HRK: variants seen among roughly 807,000 people sequenced by gnomAD.
HRK encodes the protein harakiri, BCL2 interacting protein.
In HRK, 6 loss-of-function variants were observed where a neutral mutation model predicts 5.9. That is an observed-to-expected ratio of 1.02 (90% CI 0.56 to 2.01). The LOEUF (loss-of-function observed/expected upper bound fraction) is 2.01, where lower values mean the gene tolerates loss of function less well. Among genes scored for constraint, HRK ranks in the 30% most tolerant of loss-of-function variants. HRK has a pLI of 0.00. For missense variants in HRK, 133 were observed against 128.3 expected (o/e 1.04, Z -0.18); for synonymous variants, 85 against 65.1 (o/e 1.31, Z -1.47).
rs998857118 is a variant in HRK, at chr12:116,857,498, T to A, written c.*4025A>T. On this transcript the variant is annotated 3_prime_UTR_variant, in exon 2 of 2. Transcript: ENST00000257572. ...AATCTGTGTTCTGGTCAATGCAACT[T>A]GTAATATCAGGTGGACACTCAAAAA... 3.9e-5 allele frequency: 6 copies of A among 152,102 alleles called. No individual in the cohort carries two copies. Among genetic ancestry groups the A allele is most frequent in the African/African-American group, 1.4e-4 (6 of 41,406 alleles). 9.4% of individuals were successfully genotyped at this position (152,102 alleles called of 1,614,324 possible).
intron 1 of HRK, among the ~76,000 whole-genome samples, chr12:116,868,330 T>C (rs1878622268): frequency 6.6e-6 from 1 of 152,116 alleles, no homozygotes; most frequent in African/African-American, 2.4e-5. Context: ...CAAATTCAGC[T>C]AGAAGACCAC....
chr12:116,878,771 A>T lies in HRK; in HGVS notation c.*56+2205T>A, dbSNP rs946846392. ...GACGCCCGGGCGGGACAAGGCAGGT[A>T]GGAGAAGAACCCAGAGGTGTGGGAA... On this transcript the variant is annotated intron_variant, in intron 1 of 1. Coordinates refer to ENST00000257572, the MANE Select transcript of HRK (RefSeq NM_003806.4). This position sits in a 1 kb window ranked among gnomAD's most constrained non-coding sequence, Gnocchi z 4.4. Among the ~76,000 whole-genome samples the T allele has an allele frequency of 6.6e-6, 1 of 152,170 alleles. No homozygotes were observed. Among genetic ancestry groups the T allele is most frequent in the African/African-American group, 2.4e-5 (1 of 41,456 alleles).
Position 116,858,198 on chromosome 12 carries a change from A to T in HRK, c.*3325T>A, listed in dbSNP as rs1459074241. 1 of 151,824 alleles carries T rather than the reference A, an allele frequency of 6.6e-6. No individual in the cohort carries two copies. The highest frequency in any genetic ancestry group is 2.4e-5 in the African/African-American group (1 of 41,326). The allele number at this position is 151,824 out of a possible 1,614,324, so 9.4% of individuals were successfully genotyped here. A position where few individuals can be genotyped will look rare whatever the true frequency, so the allele number is the denominator to read the frequency against. ...CAGGGCCAAAAAAAACCCAAAAAAA[A>T]ACAAAACAGGAACTGGGGTCTAGGA... On this transcript the variant is annotated 3_prime_UTR_variant, in exon 2 of 2. Transcript: ENST00000257572.
Position 116,871,620 on chromosome 12 carries a change from G to T in HRK, c.*56+9356C>A, listed in dbSNP as rs1430901510. Among the ~76,000 whole-genome samples the T allele has an allele frequency of 5.4e-5, 7 of 130,462 alleles. No homozygotes were observed. The East Asian group carries it at 1.6e-3, about 30-fold the overall frequency. The allele number at this position is 130,462 out of a possible 152,430, so 85.6% of individuals were successfully genotyped here. A position where few individuals can be genotyped will look rare whatever the true frequency, so the allele number is the denominator to read the frequency against. ...TGCCCAGCCAAAAAAAAAAAAAAAA[G>T]TATTATTATTATTTTTTTTTTTTTG... On this transcript the variant is annotated intron_variant, in intron 1 of 1. Coordinates refer to ENST00000257572, the MANE Select transcript of HRK (RefSeq NM_003806.4).
At chr12:116,872,977 CA>C (rs1166859769) in intron 1 of HRK, among the ~76,000 whole-genome samples, 1 of 151,906 alleles carries the variant, frequency 6.6e-6, no homozygotes, top group Non-Finnish European at 1.5e-5. Context: ...ACTAAAGGGT[CA>C]AATCTAATGC....
intron 1 of HRK, among the ~76,000 whole-genome samples, chr12:116,870,614 ACCAGACTGGGCAACATAGCGAGACC>A (rs1295941374): frequency 6.6e-6 from 1 of 152,140 alleles, no homozygotes; most frequent in Non-Finnish European, 1.5e-5. Context: ...GGAGTTCCAG[ACCAGACTGGGCAACATAGCGAGACC>A]CCATCTCTAA....
At chr12:116,876,248 G>A (rs1048436909) in intron 1 of HRK, among the ~76,000 whole-genome samples, 3 of 152,094 alleles carry the variant, frequency 2.0e-5, no homozygotes, top group Admixed American at 1.3e-4. Flanking sequence ...GCCCCTTCCC[G>A]GGGGGTTCCT....
At position 116,881,236 on chromosome 12, in the gene HRK, C is replaced by A; in HGVS notation, c.72G>T (p.Gly24=). 1 of 1,101,766 alleles carries A rather than the reference C, an allele frequency of 9.1e-7. No individual in the cohort carries two copies. The highest frequency in any genetic ancestry group is 1.1e-6 in the Non-Finnish European group (1 of 906,760). The allele number at this position is 1,101,766 out of a possible 1,614,324, so 68.2% of individuals were successfully genotyped here. The change falls in exon 1 of 2, where the codon GGG becomes GGT. Residue 24 remains glycine, a synonymous_variant. Transcript: ENST00000257572. ...TGAGCTGCGCGGCGGACGAGCGCAG[C>A]CCCAGGCGACCCGCGCTGCAGGCGC... ...AVCACSAGRL[G]LRSSAAQLTA...
rs151286529 is a variant in HRK, at chr12:116,860,102, C to T, written c.*1421G>A. 6.6e-6 allele frequency: 1 copy of T among 152,102 alleles called. No homozygotes were observed. The highest frequency in any genetic ancestry group is 1.5e-5 in the Non-Finnish European group (1 of 68,078). 9.4% of individuals were successfully genotyped at this position (152,102 alleles called of 1,614,324 possible). ...AATCCAGCCTTGGAGAATGACCGTC[C>T]GAATCTGCAGCCTGACACCTCGCCA... On this transcript the variant is annotated 3_prime_UTR_variant, in exon 2 of 2. Transcript: ENST00000257572.
chr12:116,876,881 C>A (rs1878951256), intron 1 of HRK: 1 of 152,388 alleles, frequency 6.6e-6, no homozygotes. Context: ...CTCCTCTTCC[C>A]CCGCAAGTCA....
In HRK at chr12:116,858,987, G is replaced by A. The variant is rs1393651866; in HGVS notation, c.*2536C>T. The A allele has an allele frequency of 1.3e-5, 2 of 152,070 alleles. No individual in the cohort carries two copies. The highest frequency in any genetic ancestry group is 3.8e-4 in the East Asian group (2 of 5,196). The allele number at this position is 152,070 out of a possible 1,614,324, so 9.4% of individuals were successfully genotyped here. ...AAAAACAAGCATTAAAAACAACCCC[G>A]TGTCAAAAATCGGGGCAGTCGAGAA... On this transcript the variant is annotated 3_prime_UTR_variant, in exon 2 of 2. Coordinates refer to ENST00000257572, the MANE Select transcript of HRK (RefSeq NM_003806.4).
chr12:116,877,903 T>C (rs185295996), intron 1 of HRK, among the ~76,000 whole-genome samples: 22 of 152,286 alleles, frequency 1.4e-4, no homozygotes, highest in Non-Finnish European at 7.4e-5. Context: ...TATATACACA[T>C]ATATGTTTTA....
Position 116,879,351 on chromosome 12 carries a change from C to T in HRK, c.*56+1625G>A, listed in dbSNP as rs535155406. The T allele has an allele frequency of 6.6e-6, 1 of 152,408 alleles. No homozygotes were observed. The highest frequency in any genetic ancestry group is 2.4e-5 in the African/African-American group (1 of 41,574). 9.4% of individuals were successfully genotyped at this position (152,408 alleles called of 1,614,324 possible). On this transcript the variant is annotated intron_variant, in intron 1 of 1. Coordinates refer to ENST00000257572, the MANE Select transcript of HRK (RefSeq NM_003806.4). The surrounding 1 kb of genome is among the most constrained non-coding windows in gnomAD (Gnocchi z 5.6). Reference sequence around the variant, plus strand: ...TCTATCCTCCCCAAACTTCTTGTCCCTCCCCATCTCGTCGCTTGTTTTTTC... The same window carrying T: ...TCTATCCTCCCCAAACTTCTTGTCCTTCCCCATCTCGTCGCTTGTTTTTTC...
intron 1 of HRK, among the ~76,000 whole-genome samples, chr12:116,875,967 T>C (rs977438066): frequency 1.3e-5 from 2 of 152,184 alleles, no homozygotes; most frequent in Non-Finnish European, 2.9e-5. Context: ...TGAAATCCTA[T>C]CACAGGGACA....
At chr12:116,863,027 C>T (rs138492828) in intron 1 of HRK, among the ~76,000 whole-genome samples, 152 of 152,282 alleles carry the variant, frequency 1.0e-3, no homozygotes, top group South Asian at 4.6e-3. Context: ...CATGAGCCAC[C>T]GTGCCCAGAC....
intron 1 of HRK, among the ~76,000 whole-genome samples, chr12:116,868,968 G>A (rs1054071959): frequency 6.8e-6 from 1 of 146,274 alleles, no homozygotes; most frequent in African/African-American, 2.5e-5. Flanking sequence ...CTTCTTCTTC[G>A]TTTTTTTTTT....
At chr12:116,869,917 TA>T (rs1458012332) in intron 1 of HRK, among the ~76,000 whole-genome samples, 1 of 151,950 alleles carries the variant, frequency 6.6e-6, no homozygotes, top group African/African-American at 2.4e-5. Context: ...CCTTCTCTAC[TA>T]AAAATACAAA....
At chr12:116,880,258 C>G (rs1277661790) in intron 1 of HRK, among the ~76,000 whole-genome samples, 1 of 152,240 alleles carries the variant, frequency 6.6e-6, no homozygotes, top group African/African-American at 2.4e-5. Flanking sequence ...TTCCAGCCCA[C>G]TCCGAGGGCG....
Position 116,881,344 on chromosome 12 carries a change from C to A in HRK, c.-37G>T. ...TCGCTCCCGCCCCGCGCTCGGGCCG[C>A]CCCTCGCCTCCTCTCCCTCCGGCCT... On this transcript the variant is annotated 5_prime_UTR_variant, in exon 1 of 2. Coordinates refer to ENST00000257572, the MANE Select transcript of HRK (RefSeq NM_003806.4). The A allele has an allele frequency of 1.2e-5, 13 of 1,058,286 alleles. No individual in the cohort carries two copies. The highest frequency in any genetic ancestry group is 1.5e-5 in the Non-Finnish European group (13 of 878,484). The allele number at this position is 1,058,286 out of a possible 1,614,324, so 65.6% of individuals were successfully genotyped here. A position where few individuals can be genotyped will look rare whatever the true frequency, so the allele number is the denominator to read the frequency against.
Sources: allele counts gnomAD v4.1 joint callset (sites outside exome capture counted in the v4.1 genomes callset), GRCh38; gene constraint gnomAD v4.1.1; non-coding constraint Gnocchi (gnomAD v3.1); transcripts MANE v1.5; gene names NCBI Gene and HGNC (gene_info 2026-07-23, HGNC 2026-07-21).